The following DMD variants were observed in gnomAD, a reference collection of about 807,000 sequenced individuals.
DMD encodes mutant dystrophin.
DMD carries 63 observed loss-of-function variants against 330.1 expected under a neutral mutation model. The observed-to-expected ratio is 0.19, with a 90% CI of 0.16 to 0.24. DMD has a LOEUF of 0.24. Ranked by LOEUF, DMD falls within the 10% of genes least tolerant of loss-of-function variation. The pLI, the probability that DMD is intolerant of heterozygous loss-of-function variation, is 1.00. For missense variants in DMD, 3,344 were observed against 2,684.1 expected, an observed-to-expected ratio of 1.25 and a Z score of -5.43; for synonymous variants, 1,223 against 959.8, an observed-to-expected ratio of 1.27 and a Z score of -5.07.
At chrX:32,342,009 G>C in intron 41 of DMD, 91 bp downstream of exon 41, 1 of 944,193 alleles carries the variant, frequency 1.1e-6, no homozygotes, top group Non-Finnish European at 1.4e-6. Flanking sequence ...ACTGTACCCA[G>C]ATTTTTTGTC....
At chrX:33,218,618 A>C (rs1481113263) in intron 1 of DMD, among the ~76,000 whole-genome samples, 6 of 111,090 alleles carry the variant, frequency 5.4e-5, no homozygotes, top group Non-Finnish European at 1.1e-4. Flanking sequence ...TATCCTGTAT[A>C]CTCAGCTCCT....
intron 29 of DMD, among the ~76,000 whole-genome samples, chrX:32,415,909 T>G (rs770807157): frequency 8.9e-6 from 1 of 112,351 alleles, no homozygotes; most frequent in Non-Finnish European, 1.9e-5. Flanking sequence ...TATGGAAATA[T>G]AAAATAAGTT....
intron 12 of DMD, among the ~76,000 whole-genome samples, chrX:32,605,375 C>A (rs535398160): frequency 2.7e-5 from 3 of 110,080 alleles, no homozygotes; most frequent in African/African-American, 9.8e-5. Flanking sequence ...GAAACTGGGT[C>A]ATAAATCACC....
At chrX:32,470,133 A>G (rs983086029) in intron 22 of DMD, among the ~76,000 whole-genome samples, 6 of 111,190 alleles carry the variant, frequency 5.4e-5, no homozygotes, top group Admixed American at 9.6e-5. Flanking sequence ...TAATTTTTTT[A>G]CTTCTTCCTT....
At chrX:32,745,305 T>C (rs2069842572) in intron 7 of DMD, among the ~76,000 whole-genome samples, 1 of 112,329 alleles carries the variant, frequency 8.9e-6, no homozygotes, top group Non-Finnish European at 1.9e-5. Flanking sequence ...TCAATCAGCA[T>C]TTTAAGTTGA....
At chrX:32,718,236 G>A (rs760529240) in intron 7 of DMD, among the ~76,000 whole-genome samples, 1 of 111,424 alleles carries the variant, frequency 9.0e-6, no homozygotes, top group South Asian at 3.8e-4. Flanking sequence ...AATATTGAAT[G>A]AGGCGCCTGG....
intron 53 of DMD, among the ~76,000 whole-genome samples, chrX:31,659,639 GAAAA>G (rs869195395): frequency 1.0e-4 from 4 of 39,972 alleles, no homozygotes; most frequent in Admixed American, 2.6e-4. Context: ...CTCCATCTCG[GAAAA>G]AAAAAAAAAA....
intron 57 of DMD, among the ~76,000 whole-genome samples, chrX:31,496,342 T>C (rs2069845848): frequency 8.9e-6 from 1 of 112,413 alleles, no homozygotes; most frequent in South Asian, 3.7e-4. Flanking sequence ...AGCAAGGTGA[T>C]TACCTTAAAA....
chrX:32,920,477 C>T (rs989739710), intron 2 of DMD, among the ~76,000 whole-genome samples: 2 of 109,236 alleles, frequency 1.8e-5, no homozygotes, highest in Non-Finnish European at 3.8e-5. Flanking sequence ...CATTCTCCTC[C>T]CTCCCATCTC....
chrX:33,009,598 A>G (rs1476327402), intron 2 of DMD, among the ~76,000 whole-genome samples: 1 of 69,277 alleles, frequency 1.4e-5, no homozygotes, highest in Admixed American at 1.5e-4. Flanking sequence ...GTATGTGTGT[A>G]TGTGTATATA....
At chrX:32,362,057 T>A (rs1299084916) in intron 37 of DMD, among the ~76,000 whole-genome samples, 1 of 111,861 alleles carries the variant, frequency 8.9e-6, no homozygotes, top group Admixed American at 9.5e-5. Context: ...TTTCTCTTCA[T>A]CAAATCATAC....
At chrX:33,219,683 C>A (rs1056568069) in intron 1 of DMD, among the ~76,000 whole-genome samples, 8 of 111,106 alleles carry the variant, frequency 7.2e-5, no homozygotes, top group African/African-American at 2.6e-4. Context: ...TGATTCCCAA[C>A]TGTTTTATGA....
chrX:32,472,432 C>A (rs2040755105), intron 21 of DMD, 123 bp from the exon 22 acceptor site: 3 of 659,440 alleles, frequency 4.5e-6, no homozygotes, highest in Non-Finnish European at 6.9e-6. Context: ...ATTAGAAAAT[C>A]TGAAAAATAT....
At chrX:32,218,990 G>A (rs1277103033) in intron 43 of DMD, among the ~76,000 whole-genome samples, 1 of 111,639 alleles carries the variant, frequency 9.0e-6, no homozygotes, top group Non-Finnish European at 1.9e-5. Context: ...GTATCTACAT[G>A]TACATTGCAC....
chrX:33,094,386 C>T (rs1246651883), intron 1 of DMD, among the ~76,000 whole-genome samples: 2 of 111,278 alleles, frequency 1.8e-5, no homozygotes, highest in African/African-American at 6.5e-5. Flanking sequence ...AAAAAAGAGC[C>T]AGAGAAACAT....
At chrX:31,682,006 G>A (rs1352426947) in intron 52 of DMD, among the ~76,000 whole-genome samples, 6 of 111,795 alleles carry the variant, frequency 5.4e-5, no homozygotes, top group South Asian at 7.5e-4. Flanking sequence ...ACTTGAACCC[G>A]GGAGGCAGAG....
intron 74 of DMD, among the ~76,000 whole-genome samples, chrX:31,148,249 C>T (rs1334820620): frequency 8.9e-6 from 1 of 112,149 alleles, no homozygotes; most frequent in Non-Finnish European, 1.9e-5. Context: ...TTATGTGATT[C>T]AATCTAATAA....
At chrX:32,541,391 G>A (rs983067420) in intron 17 of DMD, among the ~76,000 whole-genome samples, 3 of 111,062 alleles carry the variant, frequency 2.7e-5, no homozygotes, top group African/African-American at 9.8e-5. Flanking sequence ...AATAAGAATC[G>A]AACCACTGCA....
At chrX:32,748,344 TCA>T (rs2070337689) in intron 7 of DMD, among the ~76,000 whole-genome samples, 1 of 76,153 alleles carries the variant, frequency 1.3e-5, no homozygotes. Context: ...AGACTCCGTC[TCA>T]AAAAAAAAAA....
Sources: allele counts gnomAD v4.1 joint callset (sites outside exome capture counted in the v4.1 genomes callset), GRCh38; gene constraint gnomAD v4.1.1; transcripts MANE v1.5; gene names NCBI Gene and HGNC (gene_info 2026-07-23, HGNC 2026-07-21).